The following TRIM77 variants were observed in gnomAD, a reference collection of about 807,000 sequenced individuals.
The protein encoded by TRIM77 is tripartite motif-containing protein 77.
Under a neutral mutation model 31.8 loss-of-function variants are expected in TRIM77, and 23 were observed. That is an observed-to-expected ratio of 0.72 (90% CI 0.52 to 1.02). The LOEUF (loss-of-function observed/expected upper bound fraction) is 1.02, where lower values mean the gene tolerates loss of function less well. Among genes scored for constraint, TRIM77 ranks in the 50% least tolerant of loss-of-function variants. The probability of loss-of-function intolerance (pLI) is 0.00; values close to 1 mark genes in which losing one functional copy is unlikely to be tolerated. For missense variants in TRIM77, 446 were observed against 539.2 expected, an observed-to-expected ratio of 0.83 and a Z score of 1.71; for synonymous variants, 159 against 183.1, an observed-to-expected ratio of 0.87 and a Z score of 1.06.
chr11:89,712,755 T>A (rs1949130922), intron 2 of TRIM77, among the ~76,000 whole-genome samples: 1 of 152,134 alleles, frequency 6.6e-6, no homozygotes. Flanking sequence ...AATGTTTGGT[T>A]CAGGAAAGAG....
At position 89,717,812 on chromosome 11, in the gene TRIM77, T is replaced by G. The variant is rs1949173510; in HGVS notation, c.1293T>G (p.Ser431Arg). The change falls in exon 6 of 6, where the codon AGT (serine) becomes AGG (arginine). Residue 431 changes from serine to arginine, a missense_variant. By Grantham distance (110) the Ser-to-Arg change is moderately radical (BLOSUM62 -1). Coordinates refer to ENST00000398290, the MANE Select transcript of TRIM77 (RefSeq NM_001146162.1). ...TTGCCCAAAGTTCCCTCATTTGTAG[T>G]TTCCTCTCACGCATCTTCTATTTTC... is the stretch of plus-strand genomic sequence containing the variant. Reference protein sequence around the residue: ...VNVAQSSLICSFLSRIFYFPL... With the variant: ...VNVAQSSLICRFLSRIFYFPL... 1 of 1,550,472 alleles carries G rather than the reference T, an allele frequency of 6.4e-7. No homozygotes were observed. The highest frequency in any genetic ancestry group is 1.2e-5 in the South Asian group (1 of 83,926).
In TRIM77 at chr11:89,713,144, C is replaced by T. The variant is rs546257856; in HGVS notation, c.508-1048C>T. ...AAAATTAGCTGGGCATGGTGGTGTG[C>T]GCCTGTAGTCCCAGCTACTTAGGAC... On this transcript the variant is annotated intron_variant, in intron 2 of 5. Coordinates refer to ENST00000398290, the MANE Select transcript of TRIM77 (RefSeq NM_001146162.1). Among the ~76,000 whole-genome samples the T allele has an allele frequency of 2.4e-4, 36 of 151,562 alleles. No homozygotes were observed. The South Asian group carries it at 6.7e-3, about 28-fold the overall frequency.
chr11:89,717,306 C>T, intron 5 of TRIM77, 73 bp from the exon 6 acceptor site: 1 of 1,367,874 alleles, frequency 7.3e-7, no homozygotes, highest in Non-Finnish European at 9.7e-7. Context: ...AAGCATTTGC[C>T]AGACTGCCTC....
intron 3 of TRIM77, 43 bp from the exon 4 acceptor site, chr11:89,715,115 C>A (rs749456390): frequency 9.7e-6 from 15 of 1,546,530 alleles, no homozygotes; most frequent in South Asian, 2.4e-5. Context: ...ATTGAGAGAA[C>A]CATGTTGTGC....
Position 89,715,148 on chromosome 11 carries a change from C to G in TRIM77, c.739-10C>G, listed in dbSNP as rs1949151484. The G allele has an allele frequency of 6.4e-7, 1 of 1,551,278 alleles. No individual in the cohort carries two copies. Among genetic ancestry groups the G allele is most frequent in the Non-Finnish European group, 8.7e-7 (1 of 1,146,550 alleles). ...TGCTGCAAACTAAGCAATCCTCTCTCTCTTTATAGGATTTGGGAGACGTAA... is the reference window on the plus strand; with the variant it reads ...TGCTGCAAACTAAGCAATCCTCTCTGTCTTTATAGGATTTGGGAGACGTAA... On this transcript the variant is annotated splice_polypyrimidine_tract_variant and intron_variant, in intron 3 of 5. Coordinates refer to ENST00000398290, the MANE Select transcript of TRIM77 (RefSeq NM_001146162.1).
chr11:89,714,923 C>T lies in TRIM77; in HGVS notation c.739-235C>T, dbSNP rs770185422. On this transcript the variant is annotated intron_variant, in intron 3 of 5. Coordinates refer to ENST00000398290, the MANE Select transcript of TRIM77 (RefSeq NM_001146162.1). ...CCCTTCCTCTTCCCATTTGTTCAAC[C>T]TCAGTCCATCTGACTATGTTTCATC... 2.6e-5 allele frequency among the ~76,000 whole-genome samples: 4 copies of T among 152,170 alleles called. No homozygotes were observed. In the South Asian group the frequency reaches 8.3e-4, roughly 32 times the overall value.
At chr11:89,713,058 G>A (rs1394406430) in intron 2 of TRIM77, among the ~76,000 whole-genome samples, 1 of 151,944 alleles carries the variant, frequency 6.6e-6, no homozygotes, top group African/African-American at 2.4e-5. Flanking sequence ...CGGATCACGA[G>A]GTCAAGAGAT....
intron 1 of TRIM77, among the ~76,000 whole-genome samples, chr11:89,711,117 G>A (rs1245350097): frequency 6.6e-6 from 1 of 152,126 alleles, no homozygotes; most frequent in African/African-American, 2.4e-5. Flanking sequence ...GATAAGTTGA[G>A]GGCTAGCATT....
chr11:89,712,736 G>T (rs1383680106), intron 2 of TRIM77, among the ~76,000 whole-genome samples: 1 of 152,146 alleles, frequency 6.6e-6, no homozygotes, highest in East Asian at 1.9e-4. Context: ...AAAGTTCTTG[G>T]TAAGTTGTAA....
chr11:89,716,683 T>G (rs1361047172), intron 5 of TRIM77, among the ~76,000 whole-genome samples: 1 of 152,174 alleles, frequency 6.6e-6, no homozygotes, highest in Non-Finnish European at 1.5e-5. Context: ...TTTATTTCAC[T>G]TTTGCTTGCT....
At chr11:89,712,871 G>A (rs1194217034) in intron 2 of TRIM77, among the ~76,000 whole-genome samples, 1 of 152,144 alleles carries the variant, frequency 6.6e-6, no homozygotes, top group Non-Finnish European at 1.5e-5. Context: ...TTTAGCAAGA[G>A]AAGCTAGATG....
Position 89,710,623 on chromosome 11 carries a change from A to G in TRIM77, c.325A>G (p.Ser109Gly). 1 of 1,551,324 alleles carries G rather than the reference A, an allele frequency of 6.4e-7. No individual in the cohort carries two copies. Among genetic ancestry groups the G allele is most frequent in the Non-Finnish European group, 8.7e-7 (1 of 1,146,760 alleles). Reference protein sequence around the residue: ...IKNLICETDRSLLCFLCSQSP... With the variant: ...IKNLICETDRGLLCFLCSQSP... ...GAACCTCATCTGTGAAACTGATAGG[A>G]GCCTGCTGTGTTTTCTATGCTCTCA... Residue 109 changes from serine to glycine, a missense_variant, in exon 1 of 6, where the codon AGC becomes GGC. Ser to Gly is a moderately conservative substitution (Grantham distance 56). Transcript: ENST00000398290.
chr11:89,714,267 C>G lies in TRIM77; in HGVS notation c.583C>G (p.Gln195Glu). The change falls in exon 3 of 6, where the codon CAA (glutamine) becomes GAA (glutamate). Residue 195 changes from glutamine (Q) to glutamate (E), a missense_variant. Coordinates refer to ENST00000398290, the MANE Select transcript of TRIM77 (RefSeq NM_001146162.1). The stretch of plus-strand genomic sequence containing the variant: ...GTGTCAATACCTCCGTGAAGAAGAG[C>G]AAAAGCACGTAGAGAGCCTGGCAAG... ...KVCQYLREEE[Q>E]KHVESLAREG... The G allele has an allele frequency of 6.4e-7, 1 of 1,551,608 alleles. No individual in the cohort carries two copies. The highest frequency in any genetic ancestry group is 2.4e-5 in the East Asian group (1 of 40,916).
chr11:89,711,842 A>T (rs1406216404), intron 2 of TRIM77, among the ~76,000 whole-genome samples: 4 of 152,324 alleles, frequency 2.6e-5, no homozygotes, highest in African/African-American at 9.6e-5. Context: ...CTAAAAAAAA[A>T]TAGCTTCTAG....
intron 4 of TRIM77, 108 bp from the exon 5 acceptor site, chr11:89,715,782 G>C: frequency 1.5e-6 from 1 of 662,118 alleles, no homozygotes; most frequent in Non-Finnish European, 2.5e-6. Flanking sequence ...TTGAGTTCAA[G>C]TCACACTCTT....
At chr11:89,716,384 A>G (rs1397504282) in intron 5 of TRIM77, among the ~76,000 whole-genome samples, 2 of 152,186 alleles carry the variant, frequency 1.3e-5, no homozygotes, top group East Asian at 3.9e-4. Flanking sequence ...TGTTATTCGA[A>G]TGTTTACCTA....
chr11:89,714,549 G>T (rs1025740627), intron 3 of TRIM77, 127 bp downstream of exon 3: 18 of 697,782 alleles, frequency 2.6e-5, no homozygotes, highest in Non-Finnish European at 4.2e-5. Context: ...GCCTTTCCTG[G>T]CCTTATGGTG....
intron 5 of TRIM77, among the ~76,000 whole-genome samples, chr11:89,716,847 G>GT (rs139277955): frequency 1.5e-4 from 23 of 151,586 alleles, no homozygotes; most frequent in African/African-American, 5.3e-4. Context: ...TTTTTAGTAT[G>GT]TTTTTTTATT....
chr11:89,713,739 G>C (rs1371647134), intron 2 of TRIM77, among the ~76,000 whole-genome samples: 1 of 151,970 alleles, frequency 6.6e-6, no homozygotes, highest in Non-Finnish European at 1.5e-5. Flanking sequence ...TTAGGTAATA[G>C]GCAAGCATAG....
Sources: allele counts gnomAD v4.1 joint callset (sites outside exome capture counted in the v4.1 genomes callset), GRCh38; gene constraint gnomAD v4.1.1; transcripts MANE v1.5; gene names NCBI Gene and HGNC (gene_info 2026-07-23, HGNC 2026-07-21).